CDH12: variants seen among roughly 807,000 people sequenced by gnomAD.
The protein encoded by CDH12 is cadherin 12.
Under a neutral mutation model 74.1 loss-of-function variants are expected in CDH12, and 41 were observed. The observed-to-expected ratio is 0.55, with a 90% confidence interval of 0.43 to 0.72. The LOEUF (loss-of-function observed/expected upper bound fraction) is 0.72. CDH12 is among the 30% of genes least tolerant of loss of function. CDH12 has a pLI of 0.00. For missense variants in CDH12, 945 were observed against 977.2 expected, an observed-to-expected ratio of 0.97 and a Z score of 0.44; for synonymous variants, 399 against 355.0, an observed-to-expected ratio of 1.12 and a Z score of -1.39.
intron 1 of CDH12, among the ~76,000 whole-genome samples, chr5:22,660,357 G>T (rs1740281653): frequency 6.6e-6 from 1 of 152,286 alleles, no homozygotes; most frequent in Non-Finnish European, 1.5e-5. Context: ...AACAGGACAA[G>T]AATTTATATG....
intron 1 of CDH12, among the ~76,000 whole-genome samples, chr5:22,851,428 A>G (rs796276678): frequency 2.3e-4 from 35 of 152,236 alleles, no homozygotes; most frequent in African/African-American, 8.2e-4. Flanking sequence ...CATTTTTTTA[A>G]TGGGGAAGGG....
intron 2 of CDH12, among the ~76,000 whole-genome samples, chr5:22,487,642 T>C (rs1327879221): frequency 6.6e-6 from 1 of 152,192 alleles, no homozygotes; most frequent in East Asian, 1.9e-4. Context: ...TGTCAATATA[T>C]AAATTAGAGA....
chr5:22,253,347 T>G (rs1753198200), intron 3 of CDH12, among the ~76,000 whole-genome samples: 1 of 151,912 alleles, frequency 6.6e-6, no homozygotes, highest in African/African-American at 2.4e-5. Flanking sequence ...TAACTGTTAA[T>G]AAATAAGTAA....
intron 6 of CDH12, among the ~76,000 whole-genome samples, chr5:21,877,313 A>C (rs1443273815): frequency 6.6e-6 from 1 of 152,108 alleles, no homozygotes; most frequent in Non-Finnish European, 1.5e-5. Flanking sequence ...ACTCGTTTCC[A>C]TATGCTCAGA....
At chr5:22,703,989 G>A (rs1742851792) in intron 1 of CDH12, among the ~76,000 whole-genome samples, 1 of 152,112 alleles carries the variant, frequency 6.6e-6, no homozygotes, top group South Asian at 2.1e-4. Context: ...TCCTTTCTTT[G>A]ATAACTGTCC....
chr5:22,843,134 TAA>T (rs929558805), intron 1 of CDH12, among the ~76,000 whole-genome samples: 4 of 152,106 alleles, frequency 2.6e-5, no homozygotes, highest in African/African-American at 9.7e-5. Context: ...GGTGCTGCGT[TAA>T]AGTTATTAAT....
At chr5:22,040,391 T>A (rs1739494885) in intron 5 of CDH12, among the ~76,000 whole-genome samples, 1 of 152,092 alleles carries the variant, frequency 6.6e-6, no homozygotes, top group Admixed American at 6.5e-5. Flanking sequence ...GAAAGCTTAT[T>A]ATAATAATTG....
intron 1 of CDH12, among the ~76,000 whole-genome samples, chr5:22,691,339 T>G (rs1742073589): frequency 6.6e-6 from 1 of 152,186 alleles, no homozygotes; most frequent in East Asian, 1.9e-4. Context: ...ATCTAGCTCA[T>G]AGTTCACTAT....
chr5:22,035,148 G>A (rs1028263366), intron 5 of CDH12, among the ~76,000 whole-genome samples: 2 of 151,968 alleles, frequency 1.3e-5, no homozygotes, highest in African/African-American at 2.4e-5. Flanking sequence ...GTCATGTACA[G>A]TAATTTGCTG....
At chr5:22,720,506 T>A (rs117824121) in intron 1 of CDH12, among the ~76,000 whole-genome samples, 31 of 151,886 alleles carry the variant, frequency 2.0e-4, no homozygotes, top group Middle Eastern at 3.4e-3. Context: ...CTGCAGAGAG[T>A]GGGGGCACTG....
intron 6 of CDH12, among the ~76,000 whole-genome samples, chr5:21,876,776 T>C (rs1446659377): frequency 6.6e-6 from 1 of 152,240 alleles, no homozygotes; most frequent in Non-Finnish European, 1.5e-5. Flanking sequence ...AATGTGCCTC[T>C]CTCATTTCCA....
chr5:22,042,100 G>A (rs1739614190), intron 5 of CDH12, among the ~76,000 whole-genome samples: 1 of 151,910 alleles, frequency 6.6e-6, no homozygotes, highest in Non-Finnish European at 1.5e-5. Flanking sequence ...AATATTTCAA[G>A]AGACAAATGA....
At chr5:22,282,737 C>A (rs1736944547) in intron 3 of CDH12, among the ~76,000 whole-genome samples, 1 of 151,952 alleles carries the variant, frequency 6.6e-6, no homozygotes, top group South Asian at 2.1e-4. Context: ...AAGTCAGGAA[C>A]AACAGATGCT....
At chr5:22,067,266 T>C (rs544151534) in intron 5 of CDH12, among the ~76,000 whole-genome samples, 1 of 152,186 alleles carries the variant, frequency 6.6e-6, no homozygotes, top group Non-Finnish European at 1.5e-5. Context: ...GATATAAATC[T>C]GACAAAAATG....
intron 1 of CDH12, among the ~76,000 whole-genome samples, chr5:22,570,446 A>G (rs1561497536): frequency 6.6e-6 from 1 of 152,150 alleles, no homozygotes; most frequent in African/African-American, 2.4e-5. Context: ...TATAAAAATA[A>G]CATTAATCCC....
At chr5:22,626,612 C>T (rs1738311334) in intron 1 of CDH12, among the ~76,000 whole-genome samples, 1 of 152,070 alleles carries the variant, frequency 6.6e-6, no homozygotes. Flanking sequence ...ACAGAAATAT[C>T]AAAGAGTAAA....
At chr5:22,801,636 CATATATAT>C (rs568139109) in intron 1 of CDH12, among the ~76,000 whole-genome samples, 6,429 of 50,498 alleles carry the variant, frequency 0.13, 441 homozygotes, top group East Asian at 0.15. Flanking sequence ...CTCTGCTTAT[CATATATAT>C]ATATATATAT....
intron 3 of CDH12, among the ~76,000 whole-genome samples, chr5:22,219,604 G>C (rs775049345): frequency 9.2e-5 from 14 of 151,676 alleles, no homozygotes; most frequent in Non-Finnish European, 1.9e-4. Flanking sequence ...CAGACTGTTG[G>C]TGAGCAGTCT....
At position 22,006,263 on chromosome 5, in the gene CDH12, C is replaced by T. The variant is rs1385435091; in HGVS notation, c.232-30878G>A. On this transcript the variant is annotated intron_variant, in intron 5 of 14. Transcript: ENST00000382254. ...CAAACCCCTGGCCTCAAGCAGTTCT[C>T]CCATCTTGGCCTCTCAAAGTGCTGG... is the stretch of plus-strand genomic sequence containing the variant. Among the ~76,000 whole-genome samples, 4 of 152,026 alleles carry T rather than the reference C, an allele frequency of 2.6e-5. No homozygotes were observed. In the East Asian group the frequency reaches 7.7e-4, roughly 29 times the overall value.
Sources: allele counts gnomAD v4.1 joint callset (sites outside exome capture counted in the v4.1 genomes callset), GRCh38; gene constraint gnomAD v4.1.1; transcripts MANE v1.5; gene names NCBI Gene and HGNC (gene_info 2026-07-23, HGNC 2026-07-21).